NETO1: variants seen among roughly 807,000 people sequenced by gnomAD.
The protein encoded by NETO1 is neuropilin and tolloid like 1, also known as neuropilin and tolloid-like protein 1.
A neutral mutation model predicts 61.3 loss-of-function variants in NETO1; 26 were observed. The ratio of observed to expected loss-of-function variants is 0.42; its 90% CI spans 0.31 to 0.59. The LOEUF is 0.59. Ranked by LOEUF, NETO1 falls within the 20% of genes least tolerant of loss-of-function variation. The probability of loss-of-function intolerance (pLI) is 0.12; values close to 1 mark genes in which losing one functional copy is unlikely to be tolerated. For synonymous variants in NETO1, 225 were observed against 225.8 expected (o/e 1.00, Z 0.03); for missense variants, 531 against 662.8 (o/e 0.80, Z 2.18).
At chr18:72,803,537 T>A (rs762414320) in intron 4 of NETO1, among the ~76,000 whole-genome samples, 12 of 152,146 alleles carry the variant, frequency 7.9e-5, no homozygotes. Context: ...TAAAATACTC[T>A]CCTGGCCAGG....
At chr18:72,784,368 G>C (rs2071842694) in intron 6 of NETO1, among the ~76,000 whole-genome samples, 1 of 151,978 alleles carries the variant, frequency 6.6e-6, no homozygotes, top group Admixed American at 6.6e-5. Context: ...CAGTCTCTCT[G>C]ATTTGTTTAA....
intron 7 of NETO1, among the ~76,000 whole-genome samples, chr18:72,769,164 T>A (rs536891783): frequency 3.0e-4 from 45 of 152,278 alleles, no homozygotes; most frequent in Non-Finnish European, 5.7e-4. Context: ...AAGGCTACAT[T>A]TTTTTTCTAA....
chr18:72,802,899 G>A (rs1393113475), intron 4 of NETO1, among the ~76,000 whole-genome samples: 4 of 152,216 alleles, frequency 2.6e-5, no homozygotes. Flanking sequence ...TATTCTGTAA[G>A]AGGAAATGTT....
chr18:72,818,350 A>G (rs1239117152), intron 4 of NETO1, among the ~76,000 whole-genome samples: 1 of 152,210 alleles, frequency 6.6e-6, no homozygotes, highest in Non-Finnish European at 1.5e-5. Context: ...TATTGACAGT[A>G]TCACATAAAA....
chr18:72,826,030 A>G (rs2073361960), intron 4 of NETO1, among the ~76,000 whole-genome samples: 1 of 147,236 alleles, frequency 6.8e-6, no homozygotes, highest in African/African-American at 2.7e-5. Context: ...AAATATATTC[A>G]TTATCTTTTT....
chr18:72,754,048 T>A (rs916327373), intron 8 of NETO1, among the ~76,000 whole-genome samples: 1 of 152,046 alleles, frequency 6.6e-6, no homozygotes, highest in East Asian at 1.9e-4. Flanking sequence ...ACAAATATAA[T>A]TGGAAAAAGG....
intron 4 of NETO1, among the ~76,000 whole-genome samples, chr18:72,822,558 G>C (rs770896223): frequency 6.6e-6 from 1 of 152,174 alleles, no homozygotes; most frequent in Non-Finnish European, 1.5e-5. Flanking sequence ...GAGAGAATTC[G>C]CTAGATAAGT....
chr18:72,802,979 AGTT>A (rs2072557113), intron 4 of NETO1, among the ~76,000 whole-genome samples: 1 of 152,190 alleles, frequency 6.6e-6, no homozygotes. Context: ...AGCACCTTGT[AGTT>A]GTTTGAATTG....
intron 4 of NETO1, among the ~76,000 whole-genome samples, chr18:72,824,007 C>G (rs2073294649): frequency 6.6e-6 from 1 of 152,222 alleles, no homozygotes; most frequent in Non-Finnish European, 1.5e-5. Flanking sequence ...CTTGCGTTTT[C>G]AAACATCACT....
At chr18:72,822,558 G>T (rs770896223) in intron 4 of NETO1, among the ~76,000 whole-genome samples, 1 of 152,174 alleles carries the variant, frequency 6.6e-6, no homozygotes, top group African/African-American at 2.4e-5. Context: ...GAGAGAATTC[G>T]CTAGATAAGT....
chr18:72,792,658 T>C (rs945039604), intron 6 of NETO1, among the ~76,000 whole-genome samples: 3 of 151,876 alleles, frequency 2.0e-5, no homozygotes, highest in African/African-American at 4.8e-5. Context: ...TTTCCAAATA[T>C]GCAAATCTGG....
chr18:72,809,002 T>C (rs12961224), intron 4 of NETO1, among the ~76,000 whole-genome samples: 45,539 of 152,158 alleles, frequency 0.3, 8,307 homozygotes, highest in Non-Finnish European at 0.41. Context: ...CATGAATTTC[T>C]GTCAGTCTGG....
At chr18:72,788,527 G>A (rs1235729213) in intron 6 of NETO1, among the ~76,000 whole-genome samples, 1 of 151,586 alleles carries the variant, frequency 6.6e-6, no homozygotes, top group Non-Finnish European at 1.5e-5. Context: ...ATTTAATGTA[G>A]CAAACTACAG....
intron 4 of NETO1, among the ~76,000 whole-genome samples, chr18:72,803,575 A>G (rs1262973627): frequency 6.6e-6 from 1 of 152,062 alleles, no homozygotes; most frequent in Non-Finnish European, 1.5e-5. Flanking sequence ...TTAATCCCGC[A>G]CTCTGGGAGG....
intron 6 of NETO1, among the ~76,000 whole-genome samples, chr18:72,792,591 G>A (rs567177864): frequency 2.0e-5 from 3 of 151,368 alleles, no homozygotes; most frequent in Non-Finnish European, 4.4e-5. Flanking sequence ...CTTCCCACTT[G>A]ACCTTCTGCT....
chr18:72,805,459 C>G (rs1369543717), intron 4 of NETO1, among the ~76,000 whole-genome samples: 1 of 152,066 alleles, frequency 6.6e-6, no homozygotes, highest in Non-Finnish European at 1.5e-5. Context: ...TAGCTAATAC[C>G]ATTGCAATAA....
chr18:72,822,470 A>C (rs1158595190), intron 4 of NETO1, among the ~76,000 whole-genome samples: 1 of 152,200 alleles, frequency 6.6e-6, no homozygotes, highest in Non-Finnish European at 1.5e-5. Context: ...GGGGAGGCGG[A>C]GCAGGGAGCG....
chr18:72,812,573 T>C (rs2072902922), intron 4 of NETO1, among the ~76,000 whole-genome samples: 2 of 152,200 alleles, frequency 1.3e-5, no homozygotes, highest in Admixed American at 1.3e-4. Context: ...TCTTTGGAAG[T>C]TTTGACCTTT....
rs368632653 is a variant in NETO1, at chr18:72,750,403, C to G, written c.1200G>C (p.Gly400=). ...PPHYELCTLR[G]TGATADFADV... is the part of the protein sequence containing the mutation. Reference sequence around the variant, plus strand: ...CTGCAAAGTCAGCTGTAGCTCCTGTCCCTCTGAGAGTGCATAACTCATAAT... The same window carrying G: ...CTGCAAAGTCAGCTGTAGCTCCTGTGCCTCTGAGAGTGCATAACTCATAAT... Residue 400 remains glycine (G), a synonymous_variant, in exon 9 of 11, where the codon GGG becomes GGC. Transcript: ENST00000327305. 1.3e-5 allele frequency: 21 copies of G among 1,614,036 alleles called. No homozygotes were observed. The highest frequency in any genetic ancestry group is 1.7e-5 in the Non-Finnish European group (20 of 1,180,028).
Sources: allele counts gnomAD v4.1 joint callset (sites outside exome capture counted in the v4.1 genomes callset), GRCh38; gene constraint gnomAD v4.1.1; transcripts MANE v1.5; gene names NCBI Gene and HGNC (gene_info 2026-07-23, HGNC 2026-07-21).